CADPS2: variants seen among roughly 807,000 people sequenced by gnomAD.
The protein encoded by CADPS2 is calcium dependent secretion activator 2.
Under a neutral mutation model 172.5 loss-of-function variants are expected in CADPS2, and 93 were observed. The ratio of observed to expected loss-of-function variants is 0.54; its 90% CI spans 0.46 to 0.64. The LOEUF (loss-of-function observed/expected upper bound fraction) is 0.64, where lower values mean the gene tolerates loss of function less well. Ranked by LOEUF, CADPS2 falls within the 30% of genes least tolerant of loss-of-function variation. The probability of loss-of-function intolerance (pLI) is 0.00; values close to 1 mark genes in which losing one functional copy is unlikely to be tolerated. For missense variants in CADPS2, 1,420 were observed against 1,565.9 expected (o/e 0.91, Z 1.57); for synonymous variants, 546 against 555.2 (o/e 0.98, Z 0.23).
intron 1 of CADPS2, among the ~76,000 whole-genome samples, chr7:122,816,556 G>A (rs1801470864): frequency 6.6e-6 from 1 of 152,194 alleles, no homozygotes; most frequent in Admixed American, 6.5e-5. Context: ...TACAGCAGTG[G>A]AATTGCTGGA....
intron 2 of CADPS2, among the ~76,000 whole-genome samples, chr7:122,668,216 T>C (rs987890919): frequency 1.4e-5 from 2 of 146,966 alleles, no homozygotes; most frequent in African/African-American, 5.1e-5. Context: ...AATGTGGAAA[T>C]ATAAGAGAGG....
At chr7:122,805,297 C>G (rs1022989111) in intron 1 of CADPS2, among the ~76,000 whole-genome samples, 7 of 152,076 alleles carry the variant, frequency 4.6e-5, no homozygotes, top group Non-Finnish European at 1.0e-4. Context: ...GTAGCTGGGA[C>G]TACAGGCACT....
At chr7:122,767,061 G>C (rs2093574499) in intron 1 of CADPS2, among the ~76,000 whole-genome samples, 1 of 152,144 alleles carries the variant, frequency 6.6e-6, no homozygotes, top group Non-Finnish European at 1.5e-5. Flanking sequence ...TAAAACAATA[G>C]TTGAGAGACA....
chr7:122,461,952 G>A (rs1386838829), intron 14 of CADPS2, among the ~76,000 whole-genome samples: 2 of 152,106 alleles, frequency 1.3e-5, no homozygotes, highest in African/African-American at 4.8e-5. Flanking sequence ...TGTCTTCAAA[G>A]TTCTAAGAGA....
chr7:122,400,517 T>C (rs139152020), intron 20 of CADPS2, among the ~76,000 whole-genome samples: 39 of 152,180 alleles, frequency 2.6e-4, no homozygotes, highest in African/African-American at 8.9e-4. Context: ...ACTGTGGAAT[T>C]CAACTGAGGG....
intron 3 of CADPS2, among the ~76,000 whole-genome samples, chr7:122,633,537 C>CT (rs1297793930): frequency 2.0e-5 from 3 of 151,998 alleles, no homozygotes; most frequent in Non-Finnish European, 4.4e-5. Flanking sequence ...GATTTTTGTA[C>CT]TTTGATTTTG....
intron 19 of CADPS2, 78 bp downstream of exon 19, chr7:122,413,990 A>T: frequency 8.0e-7 from 1 of 1,254,154 alleles, no homozygotes; most frequent in African/African-American, 1.5e-5. Flanking sequence ...ATGGACTACA[A>T]TCAGAGTAGA....
intron 1 of CADPS2, among the ~76,000 whole-genome samples, chr7:122,800,062 GT>G (rs1797278333): frequency 6.6e-6 from 1 of 152,102 alleles, no homozygotes; most frequent in Non-Finnish European, 1.5e-5. Flanking sequence ...GGCATAAATT[GT>G]ATTTAACAAG....
intron 14 of CADPS2, among the ~76,000 whole-genome samples, chr7:122,470,981 G>C (rs951339202): frequency 2.6e-5 from 4 of 152,156 alleles, no homozygotes; most frequent in African/African-American, 9.7e-5. Flanking sequence ...TAATTCCACA[G>C]AGGAAAAGCA....
intron 2 of CADPS2, among the ~76,000 whole-genome samples, chr7:122,675,946 A>T (rs529349046): frequency 6.6e-6 from 1 of 152,194 alleles, no homozygotes; most frequent in East Asian, 1.9e-4. Flanking sequence ...CATGCAACAA[A>T]CCTGCACGTT....
chr7:122,623,111 A>G (rs1254516390), intron 4 of CADPS2, among the ~76,000 whole-genome samples: 1 of 152,168 alleles, frequency 6.6e-6, no homozygotes, highest in Non-Finnish European at 1.5e-5. Context: ...ACTTTCCCAA[A>G]GAAGGTTCTT....
At chr7:122,812,908 T>C (rs1477175514) in intron 1 of CADPS2, among the ~76,000 whole-genome samples, 1 of 152,204 alleles carries the variant, frequency 6.6e-6, no homozygotes, top group African/African-American at 2.4e-5. Flanking sequence ...TACTGTTTGA[T>C]GCACACTGAA....
intron 13 of CADPS2, among the ~76,000 whole-genome samples, chr7:122,474,107 T>C (rs1356214180): frequency 1.3e-5 from 2 of 152,170 alleles, no homozygotes; most frequent in African/African-American, 2.4e-5. Context: ...TTCTTTAAAG[T>C]GACTGATACA....
chr7:122,446,957 C>A (rs537061990), intron 15 of CADPS2, among the ~76,000 whole-genome samples: 1 of 150,748 alleles, frequency 6.6e-6, no homozygotes, highest in Admixed American at 6.6e-5. Flanking sequence ...ATTTTTGGGG[C>A]CTTTTTAAAT....
At chr7:122,348,079 T>G (rs78893623) in intron 27 of CADPS2, among the ~76,000 whole-genome samples, 3,733 of 152,212 alleles carry the variant, frequency 0.025, 145 homozygotes, top group African/African-American at 0.084. Flanking sequence ...AACAGACAAA[T>G]GGGACGCTTG....
intron 1 of CADPS2, among the ~76,000 whole-genome samples, chr7:122,840,597 C>T (rs535164791): frequency 6.9e-6 from 1 of 144,278 alleles, no homozygotes; most frequent in East Asian, 2.0e-4. Flanking sequence ...CAAGAAAAAA[C>T]TTAGGGTAGG....
chr7:122,764,445 C>T (rs548568873), intron 1 of CADPS2, among the ~76,000 whole-genome samples: 3 of 151,946 alleles, frequency 2.0e-5, no homozygotes, highest in African/African-American at 4.8e-5. Flanking sequence ...ATGTGCCAAG[C>T]GTTTTCCTAG....
chr7:122,327,252 GCTTCAA>G (rs1415346347), intron 28 of CADPS2, among the ~76,000 whole-genome samples: 6 of 151,924 alleles, frequency 3.9e-5, no homozygotes, highest in African/African-American at 1.4e-4. Flanking sequence ...ATAATTTACA[GCTTCAA>G]CTTCTTGATT....
intron 6 of CADPS2, among the ~76,000 whole-genome samples, chr7:122,606,262 C>T (rs1417393994): frequency 1.3e-5 from 2 of 152,002 alleles, no homozygotes; most frequent in Non-Finnish European, 2.9e-5. Flanking sequence ...CTTTGTAAAG[C>T]GGGAGAAGGA....
Sources: gnomAD v4.1 joint callset for allele counts (sites outside exome capture counted in the v4.1 genomes callset) on GRCh38, gnomAD v4.1.1 for gene constraint, MANE v1.5 for transcripts, NCBI Gene and HGNC (gene_info 2026-07-23, HGNC 2026-07-21) for gene names.